RAP1GAP2: variants seen among roughly 807,000 people sequenced by gnomAD.
RAP1GAP2 encodes the protein RAP1 GTPase activating protein 2.
RAP1GAP2 carries 27 observed loss-of-function variants against 95.0 expected under a neutral mutation model. The ratio of observed to expected loss-of-function variants is 0.28; its 90% CI spans 0.21 to 0.39. RAP1GAP2 has a LOEUF of 0.39. Among genes scored for constraint, RAP1GAP2 ranks in the 10% least tolerant of loss-of-function variants. The pLI is 1.00. For synonymous variants in RAP1GAP2, 373 were observed against 380.9 expected (o/e 0.98, Z 0.24); for missense variants, 771 against 970.0 (o/e 0.79, Z 2.72).
chr17:2,806,376 T>TTTATTATTATTATTA (rs4060867), intron 2 of RAP1GAP2, among the ~76,000 whole-genome samples: 5,257 of 139,884 alleles, frequency 0.038, 190 homozygotes, highest in African/African-American at 0.093. Context: ...CTACAACCTT[T>TTTATTATTATTATTA]TTATTATTAT....
intron 2 of RAP1GAP2, among the ~76,000 whole-genome samples, chr17:2,853,357 C>T (rs1023271341): frequency 6.6e-6 from 1 of 151,906 alleles, no homozygotes; most frequent in African/African-American, 2.4e-5. Flanking sequence ...ACGCGCGTTT[C>T]CTCTTGGTGC....
At chr17:2,875,610 G>A (rs765850649) in intron 2 of RAP1GAP2, among the ~76,000 whole-genome samples, 1 of 152,122 alleles carries the variant, frequency 6.6e-6, no homozygotes, top group Non-Finnish European at 1.5e-5. Flanking sequence ...GCTTTTCAGT[G>A]CCTCTCTGGG....
intron 11 of RAP1GAP2, among the ~76,000 whole-genome samples, chr17:2,990,848 T>C (rs1261369099): frequency 6.8e-6 from 1 of 147,900 alleles, no homozygotes; most frequent in Non-Finnish European, 1.5e-5. Flanking sequence ...CTTTATTCTT[T>C]TTTTTTTTTT....
intron 1 of RAP1GAP2, among the ~76,000 whole-genome samples, chr17:2,766,906 G>A (rs1415211211): frequency 2.6e-5 from 4 of 151,928 alleles, no homozygotes; most frequent in South Asian, 2.1e-4. Flanking sequence ...GCCTCTCCCC[G>A]GGGAGGACTT....
At chr17:2,984,035 T>C (rs1417496067) in intron 10 of RAP1GAP2, among the ~76,000 whole-genome samples, 1 of 152,146 alleles carries the variant, frequency 6.6e-6, no homozygotes, top group Non-Finnish European at 1.5e-5. Context: ...CAAAGCTACA[T>C]AGGTAAAAAC....
At position 2,994,656 on chromosome 17, in the gene RAP1GAP2, C is replaced by T. The variant is rs553144082; in HGVS notation, c.915-681C>T. ...GGCAGAGGACTTGGACATGGCCTTG[C>T]AGAGAGCAAAGAAAGGCCGGCGCCC... is the stretch of plus-strand genomic sequence containing the variant. On this transcript the variant is annotated intron_variant, in intron 12 of 24. Coordinates refer to ENST00000254695, the MANE Select transcript of RAP1GAP2 (RefSeq NM_015085.5). Among the ~76,000 whole-genome samples the T allele has an allele frequency of 4.6e-5, 7 of 152,336 alleles. No homozygotes were observed. In the East Asian group the frequency reaches 1.4e-3, roughly 29 times the overall value.
intron 3 of RAP1GAP2, among the ~76,000 whole-genome samples, chr17:2,931,281 TG>T (rs1436001415): frequency 6.2e-4 from 3 of 4,842 alleles, no homozygotes; most frequent in African/African-American, 1.5e-3. Context: ...GAGTGTTTCT[TG>T]TGTGTGTGTG....
At chr17:2,805,499 G>A (rs986412322) in intron 2 of RAP1GAP2, among the ~76,000 whole-genome samples, 1 of 151,994 alleles carries the variant, frequency 6.6e-6, no homozygotes, top group Non-Finnish European at 1.5e-5. Context: ...GGGATTACAG[G>A]TGTGCACCAC....
intron 9 of RAP1GAP2, 35 bp downstream of exon 9, chr17:2,980,400 T>C: frequency 6.2e-7 from 1 of 1,602,324 alleles, no homozygotes; most frequent in Non-Finnish European, 8.6e-7. Flanking sequence ...GGTGGCTTCC[T>C]CTCTCAGCCC....
intron 1 of RAP1GAP2, among the ~76,000 whole-genome samples, chr17:2,760,379 C>T (rs1406690418): frequency 3.3e-5 from 5 of 150,468 alleles, no homozygotes; most frequent in South Asian, 2.1e-4. Context: ...CTTGCTCTGT[C>T]GCCCAGGGTG....
At chr17:2,873,336 G>A (rs1359223801) in intron 2 of RAP1GAP2, among the ~76,000 whole-genome samples, 6 of 149,392 alleles carry the variant, frequency 4.0e-5, no homozygotes, top group South Asian at 4.3e-4. Context: ...TTAGCCGGTT[G>A]GGGCGGGGCA....
chr17:2,810,919 C>T lies in RAP1GAP2; in HGVS notation c.80+10369C>T, dbSNP rs758285112. Among the ~76,000 whole-genome samples the T allele has an allele frequency of 1.2e-4, 18 of 152,194 alleles. No homozygotes were observed. In the South Asian group the frequency reaches 1.2e-3, roughly 11 times the overall value. Reference sequence around the variant, plus strand: ...CTTGGTTACCTGTGGGGACAGTGAGCTCATTACCTTGTATGGATGCCTATT... The same window carrying T: ...CTTGGTTACCTGTGGGGACAGTGAGTTCATTACCTTGTATGGATGCCTATT... On this transcript the variant is annotated intron_variant, in intron 2 of 24. Transcript: ENST00000254695.
At chr17:2,787,824 C>G (rs1463301961) in intron 1 of RAP1GAP2, among the ~76,000 whole-genome samples, 1 of 152,150 alleles carries the variant, frequency 6.6e-6, no homozygotes, top group Non-Finnish European at 1.5e-5. Flanking sequence ...GCCTCGGCCT[C>G]CCAAAGTACT....
chr17:2,787,023 T>TC, intron 1 of RAP1GAP2, among the ~76,000 whole-genome samples: 1 of 141,538 alleles, frequency 7.1e-6, no homozygotes. Context: ...CGATCTCTGC[T>TC]CACTGCAACC....
At chr17:2,939,749 T>C (rs531469332) in intron 3 of RAP1GAP2, among the ~76,000 whole-genome samples, 175 of 152,304 alleles carry the variant, frequency 1.1e-3, no homozygotes, top group Non-Finnish European at 1.9e-3. Context: ...GGGCGTCCAT[T>C]CATCACCTGC....
intron 2 of RAP1GAP2, among the ~76,000 whole-genome samples, chr17:2,771,354 C>T (rs961143981): frequency 1.3e-5 from 2 of 152,130 alleles, no homozygotes; most frequent in South Asian, 2.1e-4. Flanking sequence ...GCACTGGACA[C>T]GTATGGCCAG....
At chr17:2,793,542 G>T (rs1022367875), upstream of RAP1GAP2, among the ~76,000 whole-genome samples, 3 of 152,250 alleles carry the variant, frequency 2.0e-5, no homozygotes, top group African/African-American at 7.2e-5. Context: ...TCACCCTGGT[G>T]CTTTCTGCAC....
At chr17:2,968,328 G>A (rs2044706206) in intron 8 of RAP1GAP2, among the ~76,000 whole-genome samples, 1 of 152,170 alleles carries the variant, frequency 6.6e-6, no homozygotes, top group South Asian at 2.1e-4. Flanking sequence ...ATTAATATGG[G>A]GAACAAGCTT....
chr17:2,772,043 G>A (rs970328708), intron 2 of RAP1GAP2, among the ~76,000 whole-genome samples: 2 of 152,058 alleles, frequency 1.3e-5, no homozygotes, highest in Non-Finnish European at 2.9e-5. Flanking sequence ...AGCCTGGAGT[G>A]CAATGGCATG....
Sources: allele counts gnomAD v4.1 joint callset (sites outside exome capture counted in the v4.1 genomes callset), GRCh38; gene constraint gnomAD v4.1.1; transcripts MANE v1.5; gene names NCBI Gene and HGNC (gene_info 2026-07-23, HGNC 2026-07-21).